The following PLXNA4 variants were observed in gnomAD, a reference collection of about 807,000 sequenced individuals.
PLXNA4 encodes the protein plexin-A4.
A neutral mutation model predicts 191.8 loss-of-function variants in PLXNA4; 44 were observed. That is an observed-to-expected ratio of 0.23 (90% CI 0.18 to 0.29). PLXNA4 has a LOEUF of 0.29. PLXNA4 is among the 10% of genes least tolerant of loss of function. The probability of loss-of-function intolerance (pLI) is 1.00; values close to 1 mark genes in which losing one functional copy is unlikely to be tolerated. For synonymous variants in PLXNA4, 1,082 were observed against 1,009.5 expected, an observed-to-expected ratio of 1.07 and a Z score of -1.36; for missense variants, 1,800 against 2,488.8, an observed-to-expected ratio of 0.72 and a Z score of 5.89.
At chr7:132,383,983 C>T (rs959337130) in intron 3 of PLXNA4, 2 of 985,324 alleles carry the variant, frequency 2.0e-6, no homozygotes, top group African/African-American at 3.5e-5. Flanking sequence ...TTACCCATCC[C>T]TATGCAGGTG....
chr7:132,564,048 C>T (rs1427325528), intron 1 of PLXNA4, among the ~76,000 whole-genome samples: 1 of 520 alleles, frequency 1.9e-3, no homozygotes, highest in East Asian at 0.083. Flanking sequence ...TCCTTTTCCT[C>T]CCCCTCTTTC....
intron 3 of PLXNA4, among the ~76,000 whole-genome samples, chr7:132,476,025 C>T (rs1264709373): frequency 6.6e-6 from 1 of 152,172 alleles, no homozygotes; most frequent in African/African-American, 2.4e-5. Flanking sequence ...GCAGAGAAGG[C>T]TCTGCCGGTT....
intron 3 of PLXNA4, among the ~76,000 whole-genome samples, chr7:132,306,001 A>T (rs1303455646): frequency 6.6e-6 from 1 of 152,178 alleles, no homozygotes; most frequent in Non-Finnish European, 1.5e-5. Flanking sequence ...AGAGGGGAAC[A>T]GAGCAAACCT....
intron 1 of PLXNA4, among the ~76,000 whole-genome samples, chr7:132,575,678 G>A (rs1013688522): frequency 5.3e-5 from 8 of 152,304 alleles, no homozygotes; most frequent in African/African-American, 1.7e-4. Context: ...CTTTTAAGGA[G>A]GATCTGACCC....
Position 132,168,312 on chromosome 7 carries a change from C to A in PLXNA4, c.4278G>T (p.Leu1426=). The A allele has an allele frequency of 6.4e-7, 1 of 1,551,488 alleles. No homozygotes were observed. Among genetic ancestry groups the A allele is most frequent in the South Asian group, 1.2e-5 (1 of 80,706 alleles). The change falls in exon 22 of 32, where the codon CTG becomes CTT. Residue 1426 remains leucine (L), a synonymous_variant. Coordinates refer to ENST00000321063, the MANE Select transcript of PLXNA4 (RefSeq NM_020911.2). ...NLESKNHPKL[L]LRRTESVAEK... ...CCAGACTGCACCCTCACCTCCTGAG[C>A]AGCAGCTTAGGGTGGTTCTTGCTCT... is the stretch of plus-strand genomic sequence containing the variant.
chr7:132,413,160 T>G (rs1156704983), intron 3 of PLXNA4, among the ~76,000 whole-genome samples: 1 of 152,156 alleles, frequency 6.6e-6, no homozygotes, highest in African/African-American at 2.4e-5. Context: ...AGAGGTAAAC[T>G]GAGGCCTGGG....
At chr7:132,536,612 G>C (rs780740243) in intron 1 of PLXNA4, among the ~76,000 whole-genome samples, 10 of 152,186 alleles carry the variant, frequency 6.6e-5, no homozygotes, top group Non-Finnish European at 1.5e-4. Flanking sequence ...CCAGACACCT[G>C]GAGATTAATT....
At position 132,228,354 on chromosome 7, in the gene PLXNA4, T is replaced by C; in HGVS notation, c.1720A>G (p.Asn574Asp). Reference sequence around the variant, plus strand: ...ACCCCCACGACCCTTACCAGCACGTTGTACTGAGAGACGGAGATATTGTTG... The same window carrying C: ...ACCCCCACGACCCTTACCAGCACGTCGTACTGAGAGACGGAGATATTGTTG... ...HPNNISVSQY[N>D]VLLVLETYNV... The change falls in exon 6 of 32, where the codon AAC (asparagine) becomes GAC (aspartate). Residue 574 changes from asparagine to aspartate, a missense_variant. Asn to Asp is a conservative substitution (Grantham distance 23). Transcript: ENST00000321063. 1 of 1,614,068 alleles carries C rather than the reference T, an allele frequency of 6.2e-7. No individual in the cohort carries two copies. Among genetic ancestry groups the C allele is most frequent in the Non-Finnish European group, 8.5e-7 (1 of 1,180,018 alleles).
chr7:132,308,716 T>G (rs749951981), intron 3 of PLXNA4, among the ~76,000 whole-genome samples: 1 of 152,136 alleles, frequency 6.6e-6, no homozygotes, highest in Non-Finnish European at 1.5e-5. Flanking sequence ...AATACCTCAT[T>G]GTTATCATTA....
At chr7:132,292,525 G>T (rs1800931024) in intron 4 of PLXNA4, among the ~76,000 whole-genome samples, 1 of 152,146 alleles carries the variant, frequency 6.6e-6, no homozygotes, top group African/African-American at 2.4e-5. Context: ...TCATCTCCAG[G>T]CAGGAGGTCC....
chr7:132,137,219 T>C (rs992259089), intron 30 of PLXNA4, among the ~76,000 whole-genome samples: 40 of 152,338 alleles, frequency 2.6e-4, no homozygotes, highest in African/African-American at 8.7e-4. Context: ...TTTAAAATTC[T>C]TAACCTTTTT....
At position 132,644,993 on chromosome 7, in the gene PLXNA4, G is replaced by A. The variant is rs572993912; in HGVS notation, c.-87+935C>T. Among the ~76,000 whole-genome samples the A allele has an allele frequency of 4.3e-4, 65 of 152,274 alleles. 1 individual carries two copies. The highest frequency in any genetic ancestry group is 6.8e-3 in the Middle Eastern group (2 of 294). ...GAGAGACCAACAGATGTTTCCCCTC[G>A]GGTTAGGACCACACCCAGTGGCTCT... is the stretch of plus-strand genomic sequence containing the variant. On this transcript the variant is annotated intron_variant, in intron 2 of 4. Coordinates refer to the PLXNA4 transcript ENST00000378539.
intron 1 of PLXNA4, among the ~76,000 whole-genome samples, chr7:132,570,655 T>C (rs573191909): frequency 6.6e-6 from 1 of 152,336 alleles, no homozygotes; most frequent in South Asian, 2.1e-4. Flanking sequence ...TCCTCATACT[T>C]CATAATGAAA....
chr7:132,251,011 GC>G (rs1469723041), intron 4 of PLXNA4, among the ~76,000 whole-genome samples: 1 of 150,642 alleles, frequency 6.6e-6, no homozygotes, highest in Non-Finnish European at 1.5e-5. Flanking sequence ...GTGGGAAGGG[GC>G]TGTTGTCCTG....
chr7:132,438,756 T>C (rs1795573540), intron 3 of PLXNA4, among the ~76,000 whole-genome samples: 1 of 152,214 alleles, frequency 6.6e-6, no homozygotes, highest in Non-Finnish European at 1.5e-5. Context: ...GAGTTTTAGA[T>C]GTGCTTAATA....
At chr7:132,609,083 A>G (rs936369273) in intron 2 of PLXNA4, among the ~76,000 whole-genome samples, 4 of 152,172 alleles carry the variant, frequency 2.6e-5, no homozygotes, top group Non-Finnish European at 5.9e-5. Context: ...TGTCCACATG[A>G]GTGACATGCC....
chr7:132,253,075 T>C (rs1799310416), intron 4 of PLXNA4, among the ~76,000 whole-genome samples: 1 of 152,228 alleles, frequency 6.6e-6, no homozygotes, highest in Non-Finnish European at 1.5e-5. Context: ...TAACAGTGGT[T>C]AACTTTGGAG....
At chr7:132,645,970 T>G (rs994928038) in exon 2 of PLXNA4, 2 of 152,476 alleles carry the variant, frequency 1.3e-5, no homozygotes, top group African/African-American at 4.8e-5. Flanking sequence ...ATCTGAGGGG[T>G]CATGGACATT....
chr7:132,484,933 A>G lies in PLXNA4; in HGVS notation c.1371+4359T>C, dbSNP rs1023873239. 5 of 1,614,200 alleles carry G rather than the reference A, an allele frequency of 3.1e-6. No individual in the cohort carries two copies. Among genetic ancestry groups the G allele is most frequent in the Non-Finnish European group, 3.4e-6 (4 of 1,180,034 alleles). ...ACACACACAGCATCTGTTCCTGAGA[A>G]GCAATGTTCGCCCCAGGTGGGTCTC... On this transcript the variant is annotated intron_variant, in intron 3 of 31. Transcript: ENST00000321063.
Sources: allele counts gnomAD v4.1 joint callset (sites outside exome capture counted in the v4.1 genomes callset), GRCh38; gene constraint gnomAD v4.1.1; transcripts MANE v1.5; gene names NCBI Gene and HGNC (gene_info 2026-07-23, HGNC 2026-07-21).